The following KCNU1 variants were observed in gnomAD, a reference collection of about 807,000 sequenced individuals.
KCNU1 encodes potassium calcium-activated channel subfamily U member 1.
KCNU1 carries 93 observed loss-of-function variants against 126.8 expected under a neutral mutation model. The ratio of observed to expected loss-of-function variants is 0.73; its 90% CI spans 0.62 to 0.87. KCNU1 has a LOEUF of 0.87. Ranked by LOEUF, KCNU1 falls within the 40% of genes least tolerant of loss-of-function variation. The probability of loss-of-function intolerance (pLI) is 0.00; values close to 1 mark genes in which losing one functional copy is unlikely to be tolerated. For synonymous variants in KCNU1, 523 were observed against 494.2 expected (o/e 1.06, Z -0.77); for missense variants, 1,330 against 1,367.1 (o/e 0.97, Z 0.43).
At chr8:36,833,136 T>C (rs991476519) in intron 10 of KCNU1, among the ~76,000 whole-genome samples, 1 of 152,176 alleles carries the variant, frequency 6.6e-6, no homozygotes, top group African/African-American at 2.4e-5. Flanking sequence ...CTAAATGTTC[T>C]TTTCAGAATT....
chr8:36,822,427 G>A (rs1161976634), intron 10 of KCNU1, among the ~76,000 whole-genome samples: 1 of 151,496 alleles, frequency 6.6e-6, no homozygotes. Flanking sequence ...AAAACCACAG[G>A]GAACAGAAGT....
chr8:36,858,826 G>T (rs1805626735), intron 18 of KCNU1, among the ~76,000 whole-genome samples: 1 of 152,058 alleles, frequency 6.6e-6, no homozygotes. Context: ...GATATCTAGG[G>T]ATAAGTTAAT....
rs565185246 is a variant in KCNU1 at position 36,861,988 on chromosome 8, CTTTGTTTG to C, written c.1892-2392_1892-2385del. ...TACAGGTCTCAGATCCCATGGTTTT[CTTTGTTTG>C]TTTGTTTGTTTGTTTGTTTGTTTTT... On this transcript the variant is annotated intron_variant, in intron 18 of 26. Coordinates refer to ENST00000399881, the MANE Select transcript of KCNU1 (RefSeq NM_001031836.3). 3.3e-3 allele frequency among the ~76,000 whole-genome samples: 507 copies of C among 151,966 alleles called. 1 individual carries two copies. The highest frequency in any genetic ancestry group is 0.011 in the African/African-American group (439 of 41,460).
At chr8:36,833,714 A>T in intron 11 of KCNU1, 55 bp downstream of exon 11, 1 of 971,414 alleles carries the variant, frequency 1.0e-6, no homozygotes, top group South Asian at 1.3e-5. Context: ...AACAATTAAA[A>T]TAATAGGATA....
intron 2 of KCNU1, among the ~76,000 whole-genome samples, chr8:36,790,543 TA>T (rs2130336262): frequency 6.6e-6 from 1 of 152,086 alleles, no homozygotes; most frequent in Admixed American, 6.5e-5. Flanking sequence ...TAAGTATAGA[TA>T]AAAAGGAAAT....
chr8:36,934,076 G>A (rs934941828), intron 26 of KCNU1, among the ~76,000 whole-genome samples: 5 of 152,096 alleles, frequency 3.3e-5, no homozygotes, highest in Admixed American at 6.6e-5. Context: ...AGTTAAGGGA[G>A]TGAGAGAGAA....
Position 36,836,314 on chromosome 8 carries a change from C to T in KCNU1, c.1314C>T (p.Asn438=). 2 of 1,606,810 alleles carry T rather than the reference C, an allele frequency of 1.2e-6. No individual in the cohort carries two copies. Among genetic ancestry groups the T allele is most frequent in the Non-Finnish European group, 1.7e-6 (2 of 1,174,092 alleles). Reference sequence around the variant, plus strand: ...TATATAGGGTGCTCTCTATCAAGAACTATGATTCTACCACCAGAATCATCA... The same window carrying T: ...TATATAGGGTGCTCTCTATCAAGAATTATGATTCTACCACCAGAATCATCA... ...SNIMRVLSIK[N]YDSTTRIIIQ... Residue 438 remains asparagine, a synonymous_variant, in exon 13 of 27, where the codon AAC becomes AAT. Transcript: ENST00000399881.
chr8:36,813,360 G>A lies in KCNU1; in HGVS notation c.733-847G>A, dbSNP rs74932707. Among the ~76,000 whole-genome samples the A allele has an allele frequency of 4.5e-3, 688 of 151,826 alleles. 7 individuals carry two copies. Among genetic ancestry groups the A allele is most frequent in the African/African-American group, 0.016 (648 of 41,418 alleles). Reference sequence around the variant, plus strand: ...ACTTCCCCCAGTCAGACATCTCTAAGATTTTATCATCTTTTGTGCTAAATA... The same window carrying A: ...ACTTCCCCCAGTCAGACATCTCTAAAATTTTATCATCTTTTGTGCTAAATA... On this transcript the variant is annotated intron_variant, in intron 7 of 26. Coordinates refer to ENST00000399881, the MANE Select transcript of KCNU1 (RefSeq NM_001031836.3).
At chr8:36,928,950 G>T (rs1351540503) in intron 24 of KCNU1, 2 of 691,736 alleles carry the variant, frequency 2.9e-6, no homozygotes, top group Non-Finnish European at 2.6e-6. Flanking sequence ...TATCACTTCA[G>T]ATGATCCAGA....
Position 36,817,735 on chromosome 8 carries a change from A to G in KCNU1, c.1081A>G (p.Asn361Asp), listed in dbSNP as rs749809724. The change falls in exon 10 of 27, where the codon AAC becomes GAC. Residue 361 changes from asparagine (N) to aspartate (D), a missense_variant. By Grantham distance (23) the Asn-to-Asp change is conservative. Around this residue, in one of 3 missense-constraint regions of KCNU1, gnomAD observed 1,054 missense variants for 1,053.9 expected, o/e 1.00. Coordinates refer to ENST00000399881, the MANE Select transcript of KCNU1 (RefSeq NM_001031836.3). ...CCTCCGCGACAAGTCAGGAGAGATC[A>G]ACACTGAAATTGTTTTCCTGGGAGA... ...NFLRDKSGEINTEIVFLGETP... is the reference protein window; with the variant it reads ...NFLRDKSGEIDTEIVFLGETP... 1.1e-5 allele frequency: 18 copies of G among 1,600,174 alleles called. No individual in the cohort carries two copies. Among genetic ancestry groups the G allele is most frequent in the Non-Finnish European group, 1.5e-5 (18 of 1,169,944 alleles).
At chr8:36,886,953 C>T (rs1446941019) in intron 19 of KCNU1, among the ~76,000 whole-genome samples, 1 of 152,056 alleles carries the variant, frequency 6.6e-6, no homozygotes, top group Non-Finnish European at 1.5e-5. Flanking sequence ...CTACTTTCAT[C>T]CAAGTTGTGA....
chr8:36,931,892 A>C (rs1478954831), intron 25 of KCNU1, among the ~76,000 whole-genome samples: 1 of 152,118 alleles, frequency 6.6e-6, no homozygotes, highest in African/African-American at 2.4e-5. Flanking sequence ...CTAACAGGGC[A>C]TCCAGGCATT....
intron 7 of KCNU1, among the ~76,000 whole-genome samples, chr8:36,812,933 A>C (rs10111676): frequency 0.16 from 24,024 of 152,250 alleles, 2,101 homozygotes; most frequent in Admixed American, 0.28. Flanking sequence ...TACTTTGTAC[A>C]TGTTGTGCAG....
Position 36,922,521 on chromosome 8 carries a change from GC to G in KCNU1, c.2629del (p.Gly878ValfsTer50). 3 of 1,613,418 alleles carry G rather than the reference GC, an allele frequency of 1.9e-6. No individual in the cohort carries two copies. The highest frequency in any genetic ancestry group is 2.5e-6 in the Non-Finnish European group (3 of 1,179,636). On this transcript the variant is annotated frameshift_variant, in exon 24 of 27. Coordinates refer to ENST00000399881, the MANE Select transcript of KCNU1 (RefSeq NM_001031836.3). LOFTEE classifies it high-confidence loss of function. ...CTTCCAACATTCACTTTATTGAACA[GC>G]TTGGTGGACTGGAAGGGTCCCTCCA... ...NPSNIHFIEQ[L>X]GGLEGSLQET...
chr8:36,932,865 A>G (rs1333505749), intron 25 of KCNU1, 55 bp from the exon 26 acceptor site: 11 of 1,002,498 alleles, frequency 1.1e-5, no homozygotes, highest in Non-Finnish European at 1.7e-5. Flanking sequence ...GTGAGTGCTT[A>G]TAATTGCTTG....
intron 24 of KCNU1, among the ~76,000 whole-genome samples, chr8:36,925,178 T>C (rs1466488223): frequency 6.6e-6 from 1 of 152,112 alleles, no homozygotes; most frequent in Non-Finnish European, 1.5e-5. Context: ...AAATGTGCTA[T>C]ATAGAGAATA....
Position 36,935,559 on chromosome 8 carries a change from C to T in KCNU1, c.3089C>T (p.Ser1030Leu), listed in dbSNP as rs370058532. 6.2e-7 allele frequency: 1 copy of T among 1,611,900 alleles called. No homozygotes were observed. Among genetic ancestry groups the T allele is most frequent in the African/African-American group, 1.3e-5 (1 of 74,840 alleles). The change falls in exon 27 of 27, where the codon TCA becomes TTA. Residue 1030 changes from serine (S) to leucine (L), a missense_variant. By Grantham distance (145) the Ser-to-Leu change is moderately radical (BLOSUM62 -2). Around this residue, in one of 3 missense-constraint regions of KCNU1, gnomAD observed 1,054 missense variants for 1,053.9 expected, o/e 1.00. Transcript: ENST00000399881. The part of the protein sequence containing the change: ...RPANEFKLLP[S>L]DLVFCAIPFS... Reference sequence around the variant, plus strand: ...GCCAATGAGTTCAAGCTGCTGCCTTCAGATCTTGTGTTTTGTGCCATACCC... The same window carrying T: ...GCCAATGAGTTCAAGCTGCTGCCTTTAGATCTTGTGTTTTGTGCCATACCC...
At chr8:36,924,584 A>C (rs908936308) in intron 24 of KCNU1, among the ~76,000 whole-genome samples, 4 of 152,206 alleles carry the variant, frequency 2.6e-5, no homozygotes, top group Non-Finnish European at 5.9e-5. Context: ...TAAAGAGTTA[A>C]GCAGCTCAGC....
In KCNU1 at chr8:36,841,004, G is replaced by A. The variant is rs1405122443; in HGVS notation, c.1703+1G>A. The A allele has an allele frequency of 1.3e-6, 2 of 1,488,160 alleles. No homozygotes were observed. Among genetic ancestry groups the A allele is most frequent in the East Asian group, 2.3e-5 (1 of 44,198 alleles). 92.2% of individuals were successfully genotyped at this position (1,488,160 alleles called of 1,614,324 possible). Reference sequence around the variant, plus strand: ...AGTCCCTCTTTACGGATGGTTTCTGGTACCAATAAGTCTGCTCATCTCTTC... The same window carrying A: ...AGTCCCTCTTTACGGATGGTTTCTGATACCAATAAGTCTGCTCATCTCTTC... On this transcript the variant is annotated splice_donor_variant, in intron 16 of 26. Transcript: ENST00000399881. LOFTEE classifies it high-confidence loss of function.
Sources: allele counts gnomAD v4.1 joint callset (sites outside exome capture counted in the v4.1 genomes callset), GRCh38; gene constraint gnomAD v4.1.1; regional missense constraint gnomAD v4.1.1; transcripts MANE v1.5; gene names NCBI Gene and HGNC (gene_info 2026-07-23, HGNC 2026-07-21).